ROBO2: variants seen among roughly 807,000 people sequenced by gnomAD.
ROBO2 encodes the protein roundabout homolog 2.
A neutral mutation model predicts 160.8 loss-of-function variants in ROBO2; 53 were observed. The ratio of observed to expected loss-of-function variants is 0.33; its 90% CI spans 0.26 to 0.41. The LOEUF (loss-of-function observed/expected upper bound fraction) is 0.41. ROBO2 is among the 10% of genes least tolerant of loss of function. ROBO2 has a pLI of 1.00. For missense variants in ROBO2, 1,577 were observed against 1,722.4 expected (o/e 0.92, Z 1.49); for synonymous variants, 664 against 611.7 (o/e 1.09, Z -1.26).
chr3:76,378,578 G>A (rs2076463593), intron 2 of ROBO2, among the ~76,000 whole-genome samples: 1 of 152,152 alleles, frequency 6.6e-6, no homozygotes, highest in Non-Finnish European at 1.5e-5. Flanking sequence ...GCTTTGGTAG[G>A]ATGCACAAGA....
chr3:76,508,836 T>G (rs528402526), intron 2 of ROBO2, among the ~76,000 whole-genome samples: 1 of 152,346 alleles, frequency 6.6e-6, no homozygotes, highest in South Asian at 2.1e-4. Flanking sequence ...CTCAGTGAAT[T>G]ACTTTTTATT....
chr3:77,562,577 G>T (rs1305837504), intron 9 of ROBO2, 74 bp from the exon 11 acceptor site: 2 of 1,010,466 alleles, frequency 2.0e-6, no homozygotes, highest in Admixed American at 3.7e-5. Flanking sequence ...ATTAAATATT[G>T]CCTGGCTGTC....
intron 2 of ROBO2, among the ~76,000 whole-genome samples, chr3:76,724,039 C>A (rs1010274968): frequency 2.0e-5 from 3 of 152,172 alleles, no homozygotes; most frequent in African/African-American, 4.8e-5. Flanking sequence ...GTCTAGTCAC[C>A]CACTCCCATG....
At chr3:76,248,751 T>A (rs1449709956) in intron 2 of ROBO2, among the ~76,000 whole-genome samples, 1 of 152,100 alleles carries the variant, frequency 6.6e-6, no homozygotes, top group Non-Finnish European at 1.5e-5. Context: ...TTAGTTGTCA[T>A]GGCACTGATA....
chr3:76,990,918 A>G (rs1302736121), intron 2 of ROBO2, among the ~76,000 whole-genome samples: 1 of 152,144 alleles, frequency 6.6e-6, no homozygotes, highest in South Asian at 2.1e-4. Flanking sequence ...TCCCCTCCCA[A>G]GTGCTGGCGG....
At chr3:76,642,383 C>T (rs923420772) in intron 2 of ROBO2, among the ~76,000 whole-genome samples, 1 of 122,234 alleles carries the variant, frequency 8.2e-6, no homozygotes, top group African/African-American at 3.1e-5. Flanking sequence ...GACGGAGACT[C>T]GCTCTGTCGC....
intron 2 of ROBO2, among the ~76,000 whole-genome samples, chr3:76,355,136 T>G (rs1246734358): frequency 6.6e-6 from 1 of 151,626 alleles, no homozygotes; most frequent in Non-Finnish European, 1.5e-5. Flanking sequence ...CGACTTAGTT[T>G]CTGTCTTATT....
chr3:76,438,510 T>C (rs1010250278), intron 2 of ROBO2, among the ~76,000 whole-genome samples: 13 of 151,964 alleles, frequency 8.6e-5, no homozygotes, highest in Non-Finnish European at 1.5e-4. Flanking sequence ...CTGATATTTT[T>C]CACTGCTCTA....
intron 2 of ROBO2, among the ~76,000 whole-genome samples, chr3:76,172,452 A>G (rs955637298): frequency 6.6e-6 from 1 of 151,498 alleles, no homozygotes; most frequent in African/African-American, 2.4e-5. Flanking sequence ...AAAAAAAAAA[A>G]AAGAAAACTA....
chr3:76,341,105 A>C (rs2108166673), intron 2 of ROBO2, among the ~76,000 whole-genome samples: 1 of 152,252 alleles, frequency 6.6e-6, no homozygotes, highest in African/African-American at 2.4e-5. Context: ...CAATTAAACA[A>C]ATTATTTGTG....
At chr3:76,196,153 T>C (rs1283681687) in intron 2 of ROBO2, among the ~76,000 whole-genome samples, 1 of 152,126 alleles carries the variant, frequency 6.6e-6, no homozygotes, top group Non-Finnish European at 1.5e-5. Flanking sequence ...ACCTGATTCT[T>C]ATTTCCCATT....
At chr3:76,460,419 A>T (rs1183776456) in intron 2 of ROBO2, among the ~76,000 whole-genome samples, 1 of 152,192 alleles carries the variant, frequency 6.6e-6, no homozygotes, top group African/African-American at 2.4e-5. Context: ...CTCACTTTGA[A>T]TGGATAGAAT....
chr3:76,514,804 A>G (rs925959073), intron 2 of ROBO2, among the ~76,000 whole-genome samples: 2 of 152,180 alleles, frequency 1.3e-5, no homozygotes, highest in Non-Finnish European at 2.9e-5. Flanking sequence ...TTTGATTATT[A>G]CTATGGAAAC....
At chr3:77,096,877 T>C (rs1214908113) in intron 1 of ROBO2, among the ~76,000 whole-genome samples, 1 of 152,230 alleles carries the variant, frequency 6.6e-6, no homozygotes, top group Admixed American at 6.5e-5. Flanking sequence ...CATTTTGATA[T>C]GGTATATTTT....
intron 2 of ROBO2, among the ~76,000 whole-genome samples, chr3:77,206,774 T>A (rs2083498109): frequency 6.6e-6 from 1 of 152,174 alleles, no homozygotes; most frequent in Admixed American, 6.5e-5. Flanking sequence ...CATTTTTAAG[T>A]TTTTGATGGA....
intron 2 of ROBO2, among the ~76,000 whole-genome samples, chr3:76,083,095 A>G (rs2068887894): frequency 2.6e-5 from 4 of 152,130 alleles, no homozygotes; most frequent in Admixed American, 2.0e-4. Context: ...GAAATGTAAT[A>G]TGAACACCTT....
chr3:76,128,633 G>GTT (rs1323502621), intron 2 of ROBO2, among the ~76,000 whole-genome samples: 2 of 151,786 alleles, frequency 1.3e-5, no homozygotes, highest in African/African-American at 2.4e-5. Flanking sequence ...GTGTGTGTGT[G>GTT]TGTGTGTTCA....
At chr3:77,367,694 T>C (rs950187578) in intron 2 of ROBO2, among the ~76,000 whole-genome samples, 5 of 152,248 alleles carry the variant, frequency 3.3e-5, no homozygotes, top group African/African-American at 1.2e-4. Flanking sequence ...GCAATGAAAG[T>C]GTGTAATAAA....
intron 2 of ROBO2, among the ~76,000 whole-genome samples, chr3:77,304,095 C>T (rs2062888450): frequency 1.3e-5 from 2 of 152,032 alleles, no homozygotes; most frequent in African/African-American, 2.4e-5. Context: ...AAGGACCAGC[C>T]ATGGACATAT....
Sources: allele counts gnomAD v4.1 joint callset (sites outside exome capture counted in the v4.1 genomes callset), GRCh38; gene constraint gnomAD v4.1.1; transcripts MANE v1.5; gene names NCBI Gene and HGNC (gene_info 2026-07-23, HGNC 2026-07-21).